ZNF790: variants seen among roughly 807,000 people sequenced by gnomAD.
ZNF790 encodes zinc finger protein 790.
In ZNF790, 8 loss-of-function variants were observed where a neutral mutation model predicts 12.1. The observed-to-expected ratio is 0.66, with a 90% CI of 0.39 to 1.19. ZNF790 has a LOEUF of 1.19. Among genes scored for constraint, ZNF790 ranks in the 50% most tolerant of loss-of-function variants. The pLI is 0.01. For missense variants in ZNF790, 707 were observed against 752.2 expected, an observed-to-expected ratio of 0.94 and a Z score of 0.70; for synonymous variants, 252 against 244.3, an observed-to-expected ratio of 1.03 and a Z score of -0.29.
intron 1 of ZNF790, among the ~76,000 whole-genome samples, chr19:36,848,451 A>T (rs111345165): frequency 6.6e-6 from 1 of 151,834 alleles, no homozygotes; most frequent in African/African-American, 2.4e-5. Flanking sequence ...TTTTTAGGAG[A>T]CATTGGTGGG....
intron 3 of ZNF790, 39 bp from the exon 4 acceptor site, chr19:36,823,419 A>G (rs1042525359): frequency 1.5e-5 from 23 of 1,582,806 alleles, no homozygotes; most frequent in Non-Finnish European, 2.0e-5. Flanking sequence ...ACCACATTGT[A>G]AAGATTCTAA....
intron 1 of ZNF790, among the ~76,000 whole-genome samples, chr19:36,835,257 G>A (rs1027563559): frequency 1.3e-5 from 2 of 152,080 alleles, no homozygotes; most frequent in African/African-American, 4.8e-5. Context: ...CTCCAGCCTG[G>A]GCGACAGAGG....
In ZNF790 at chr19:36,818,723, T is replaced by C. The variant is rs1159206626; in HGVS notation, c.1621A>G (p.Lys541Glu). ...AGCTGTGAACCCCAGATAAAAGATT[T>C]CCCACATTCTTTACATACGTAAGGT... is the stretch of plus-strand genomic sequence containing the variant. ...EEPYVCKECG[K>E]SFIWGSQLTR... The change falls in exon 5 of 5, where the codon AAA (lysine) becomes GAA (glutamate). Residue 541 changes from lysine to glutamate, a missense_variant. Lys to Glu is a moderately conservative substitution (Grantham distance 56). Transcript: ENST00000356725. The C allele has an allele frequency of 7.4e-6, 12 of 1,613,300 alleles. No homozygotes were observed. The highest frequency in any genetic ancestry group is 1.0e-5 in the Non-Finnish European group (12 of 1,179,786).
chr19:36,842,068 T>A (rs897666021), upstream of ZNF790, among the ~76,000 whole-genome samples: 1 of 152,108 alleles, frequency 6.6e-6, no homozygotes, highest in South Asian at 2.1e-4. Flanking sequence ...TGCAGTTAGA[T>A]GAAGGGTTCT....
chr19:36,826,705 TA>T (rs1255544252), intron 1 of ZNF790, among the ~76,000 whole-genome samples: 4 of 150,310 alleles, frequency 2.7e-5, no homozygotes, highest in Non-Finnish European at 4.4e-5. Context: ...ATCAGATAAA[TA>T]AGTTGCAAGA....
chr19:36,838,479 C>G (rs969590419), upstream of ZNF790: 1 of 152,356 alleles, frequency 6.6e-6, no homozygotes, highest in Non-Finnish European at 1.5e-5. The surrounding 1 kb of genome is among the most constrained non-coding windows in gnomAD (Gnocchi z 4.4). Flanking sequence ...TTAACTGCCC[C>G]GGACACCGCG....
At chr19:36,840,901 C>A (rs894115684), upstream of ZNF790, among the ~76,000 whole-genome samples, 3 of 152,066 alleles carry the variant, frequency 2.0e-5, no homozygotes, top group Non-Finnish European at 4.4e-5. Flanking sequence ...GGTAGGATCT[C>A]CCCAGGAGCT....
Position 36,819,819 on chromosome 19 carries a change from C to A in ZNF790, c.525G>T (p.Leu175=). 1 of 1,613,360 alleles carries A rather than the reference C, an allele frequency of 6.2e-7. No homozygotes were observed. Among genetic ancestry groups the A allele is most frequent in the Non-Finnish European group, 8.5e-7 (1 of 1,179,548 alleles). The stretch of plus-strand genomic sequence containing the variant: ...CTGAACCAGAAATAAAGGCTTTCCC[C>A]AGTTCTTTAAATTCATTCAGTTTGT... ...TGDKLNEFKE[L]GKAFISGSDH... The change falls in exon 5 of 5, where the codon CTG becomes CTT. Residue 175 remains leucine (L), a synonymous_variant. Coordinates refer to ENST00000356725, the MANE Select transcript of ZNF790 (RefSeq NM_206894.4).
In ZNF790 at chr19:36,838,147, A is replaced by AC. The variant is rs2072089186; in HGVS notation, c.-74+189_-74+190insG. ...ACACACATACACACACACACACACA[A>AC]GCTCCCGTCGCGGCCCCAGCTCCTG... On this transcript the variant is annotated intron_variant, in intron 1 of 4. Coordinates refer to ENST00000356725, the MANE Select transcript of ZNF790 (RefSeq NM_206894.4). The surrounding 1 kb of genome is among the most constrained non-coding windows in gnomAD (Gnocchi z 4.4). 2 of 149,084 alleles carry AC rather than the reference A, an allele frequency of 1.3e-5. No individual in the cohort carries two copies. Among genetic ancestry groups the AC allele is most frequent in the African/African-American group, 5.1e-5 (2 of 39,484 alleles). The allele number at this position is 149,084 out of a possible 1,614,324, so 9.2% of individuals were successfully genotyped here.
In ZNF790 at chr19:36,838,083, G is replaced by A. The variant is rs765330326; in HGVS notation, c.-74+254C>T. 4.0e-5 allele frequency: 6 copies of A among 151,634 alleles called. No homozygotes were observed. Among genetic ancestry groups the A allele is most frequent in the Non-Finnish European group, 8.8e-5 (6 of 68,246 alleles). 9.4% of individuals were successfully genotyped at this position (151,634 alleles called of 1,614,324 possible). ...TCCATTAGGGTCACACACAGCGCCT[G>A]TCAACGTCGTGTGCGCGTGCGCGCA... On this transcript the variant is annotated intron_variant, in intron 1 of 4. Coordinates refer to ENST00000356725, the MANE Select transcript of ZNF790 (RefSeq NM_206894.4). The surrounding 1 kb of genome is among the most constrained non-coding windows in gnomAD (Gnocchi z 4.4).
chr19:36,850,176 C>G (rs2072232113), exon 1 of ZNF790: 1 of 152,282 alleles, frequency 6.6e-6, no homozygotes, highest in Non-Finnish European at 1.5e-5. Context: ...AAGCAGCCTC[C>G]GGGGCACAGT....
intron 1 of ZNF790, among the ~76,000 whole-genome samples, chr19:36,847,324 C>T (rs1363824393): frequency 1.3e-5 from 2 of 152,002 alleles, no homozygotes; most frequent in African/African-American, 4.8e-5. Context: ...GCACTCCAGC[C>T]TGGGCAATAC....
In ZNF790 at chr19:36,844,039, G is replaced by A. The variant is rs1342035146; in HGVS notation, c.-74+5963C>T. On this transcript the variant is annotated intron_variant, in intron 1 of 4. Transcript: ENST00000528994. ...AAAAAAAAATTAAAAAAAAAAAAAAGGCCGGGCAGGGTGACTGATTCCTGT... is the reference window on the plus strand; with the variant it reads ...AAAAAAAAATTAAAAAAAAAAAAAAAGCCGGGCAGGGTGACTGATTCCTGT... 1.4e-4 allele frequency among the ~76,000 whole-genome samples: 20 copies of A among 145,216 alleles called. 1 individual carries two copies. The highest frequency in any genetic ancestry group is 1.2e-3 in the Admixed American group (17 of 14,456).
chr19:36,842,018 A>C (rs917238650), upstream of ZNF790, among the ~76,000 whole-genome samples: 3 of 152,252 alleles, frequency 2.0e-5, no homozygotes, highest in Admixed American at 1.3e-4. Flanking sequence ...CTAGCCTATA[A>C]AACTTTTTTA....
chr19:36,829,167 G>A (rs2071894039), intron 1 of ZNF790, among the ~76,000 whole-genome samples: 1 of 152,090 alleles, frequency 6.6e-6, no homozygotes, highest in African/African-American at 2.4e-5. Context: ...CATTTACAGT[G>A]AACAATTCAA....
At chr19:36,843,261 G>C (rs1360136951), upstream of ZNF790, among the ~76,000 whole-genome samples, 1 of 152,202 alleles carries the variant, frequency 6.6e-6, no homozygotes, top group Non-Finnish European at 1.5e-5. Flanking sequence ...TCTACATAAG[G>C]CTGGTTTTCT....
rs1314909076 is a variant in ZNF790 at position 36,837,773 on chromosome 19, T to C, written c.-74+564A>G. ...TCCCCAGCCCTCTACCCCAACCTGC[T>C]GCTCCATTTCTCTGCTCTAATTTAC... On this transcript the variant is annotated intron_variant, in intron 1 of 4. Coordinates refer to ENST00000356725, the MANE Select transcript of ZNF790 (RefSeq NM_206894.4). The C allele has an allele frequency of 2.0e-5, 3 of 152,294 alleles. No individual in the cohort carries two copies. In the East Asian group the frequency reaches 5.8e-4, roughly 29 times the overall value. 9.4% of individuals were successfully genotyped at this position (152,294 alleles called of 1,614,324 possible).
At chr19:36,844,904 CG>C (rs1164604611) in intron 1 of ZNF790, among the ~76,000 whole-genome samples, 16 of 150,044 alleles carry the variant, frequency 1.1e-4, no homozygotes, top group Admixed American at 8.6e-4. Flanking sequence ...AAAAATTAGC[CG>C]GGCGTAGTGG....
At chr19:36,831,158 AAC>A (rs1209526210) in intron 1 of ZNF790, among the ~76,000 whole-genome samples, 8 of 152,012 alleles carry the variant, frequency 5.3e-5, no homozygotes, top group Admixed American at 1.3e-4. Flanking sequence ...CAACAACAAC[AAC>A]AAAAAACACA....
Sources: allele counts gnomAD v4.1 joint callset (sites outside exome capture counted in the v4.1 genomes callset), GRCh38; gene constraint gnomAD v4.1.1; non-coding constraint Gnocchi (gnomAD v3.1); transcripts MANE v1.5; gene names NCBI Gene and HGNC (gene_info 2026-07-23, HGNC 2026-07-21).